DPP10: variants seen among roughly 807,000 people sequenced by gnomAD.
The protein encoded by DPP10 is inactive dipeptidyl peptidase 10.
DPP10 carries 33 observed loss-of-function variants against 120.9 expected under a neutral mutation model. The observed-to-expected ratio is 0.27, with a 90% CI of 0.21 to 0.37. The LOEUF (loss-of-function observed/expected upper bound fraction) is 0.37, where lower values mean the gene tolerates loss of function less well. Among genes scored for constraint, DPP10 ranks in the 10% least tolerant of loss-of-function variants. The pLI is 1.00. For missense variants in DPP10, 816 were observed against 942.8 expected (o/e 0.87, Z 1.76); for synonymous variants, 337 against 326.1 (o/e 1.03, Z -0.36).
chr2:114,455,905 A>G (rs1678559795), intron 1 of DPP10, among the ~76,000 whole-genome samples: 1 of 152,172 alleles, frequency 6.6e-6, no homozygotes, highest in South Asian at 2.1e-4. Context: ...CAAAAGAGGT[A>G]GAACTGGGCC....
chr2:115,302,672 T>G (rs1384737462), intron 1 of DPP10, among the ~76,000 whole-genome samples: 1 of 152,076 alleles, frequency 6.6e-6, no homozygotes, highest in Non-Finnish European at 1.5e-5. Flanking sequence ...GACACTTGCT[T>G]GGCATTTCTA....
intron 1 of DPP10, among the ~76,000 whole-genome samples, chr2:114,464,643 C>T (rs17048390): frequency 6.6e-6 from 1 of 152,238 alleles, no homozygotes; most frequent in African/African-American, 2.4e-5. Flanking sequence ...GTTATATCCT[C>T]TACTATACAG....
At chr2:114,905,268 G>C (rs1279230760) in intron 1 of DPP10, among the ~76,000 whole-genome samples, 1 of 151,648 alleles carries the variant, frequency 6.6e-6, no homozygotes, top group Non-Finnish European at 1.5e-5. Flanking sequence ...TGGGTGGGGG[G>C]AGTGGGTATT....
chr2:115,270,612 A>G (rs1455019161), intron 1 of DPP10, among the ~76,000 whole-genome samples: 1 of 152,176 alleles, frequency 6.6e-6, no homozygotes, highest in Non-Finnish European at 1.5e-5. Context: ...AGATTACCTT[A>G]CAAATGACCA....
intron 1 of DPP10, among the ~76,000 whole-genome samples, chr2:114,965,929 G>A (rs1209762731): frequency 8.3e-6 from 1 of 120,488 alleles, no homozygotes; most frequent in Non-Finnish European, 1.6e-5. Context: ...TCGCCCCACT[G>A]CACTCCAGCT....
intron 1 of DPP10, among the ~76,000 whole-genome samples, chr2:115,192,269 T>C (rs2054936362): frequency 6.6e-6 from 1 of 152,248 alleles, no homozygotes; most frequent in African/African-American, 2.4e-5. Context: ...TAAGGTGGTC[T>C]ACTATTACTA....
At chr2:115,081,064 T>C (rs911660960) in intron 1 of DPP10, among the ~76,000 whole-genome samples, 1 of 152,198 alleles carries the variant, frequency 6.6e-6, no homozygotes, top group Admixed American at 6.5e-5. Context: ...TCTCAGTCTT[T>C]TTTTCCCCCA....
intron 1 of DPP10, among the ~76,000 whole-genome samples, chr2:114,621,085 C>A (rs2105330389): frequency 6.6e-6 from 1 of 152,098 alleles, no homozygotes; most frequent in East Asian, 1.9e-4. Flanking sequence ...CTGGCCCAAC[C>A]ATTGTCTGAT....
intron 3 of DPP10, among the ~76,000 whole-genome samples, chr2:115,354,080 AAAG>A (rs1313474789): frequency 2.6e-5 from 4 of 152,184 alleles, no homozygotes; most frequent in African/African-American, 7.2e-5. Context: ...ACATGTAAAA[AAAG>A]AAGTCATTGC....
chr2:114,543,522 G>T (rs1199582746), intron 1 of DPP10, among the ~76,000 whole-genome samples: 1 of 152,102 alleles, frequency 6.6e-6, no homozygotes, highest in African/African-American at 2.4e-5. Context: ...GCCGCCTCCT[G>T]GTGACCAAAT....
chr2:115,414,563 A>G (rs2104611089), intron 3 of DPP10, among the ~76,000 whole-genome samples: 1 of 152,236 alleles, frequency 6.6e-6, no homozygotes, highest in East Asian at 1.9e-4. Context: ...TGAAACTGAT[A>G]TGTATTTTTT....
intron 19 of DPP10, among the ~76,000 whole-genome samples, chr2:115,811,411 A>G (rs1006415221): frequency 6.6e-6 from 1 of 152,190 alleles, no homozygotes; most frequent in Non-Finnish European, 1.5e-5. Context: ...TAAAGGATTG[A>G]AGGATTTGTT....
intron 5 of DPP10, among the ~76,000 whole-genome samples, chr2:115,599,014 G>A (rs981056682): frequency 6.6e-6 from 1 of 150,972 alleles, no homozygotes; most frequent in African/African-American, 2.4e-5. Flanking sequence ...GCTCTCTTTT[G>A]TTCTTCATGG....
intron 3 of DPP10, among the ~76,000 whole-genome samples, chr2:115,416,406 T>C (rs1009179756): frequency 2.0e-5 from 3 of 152,156 alleles, no homozygotes; most frequent in Non-Finnish European, 4.4e-5. Flanking sequence ...GACTCAGCTA[T>C]AAATTTATAG....
At position 114,529,432 on chromosome 2, in the gene DPP10, T is replaced by C. The variant is rs531711647; in HGVS notation, c.60+86594T>C. On this transcript the variant is annotated intron_variant, in intron 1 of 25. Coordinates refer to ENST00000410059, the MANE Select transcript of DPP10 (RefSeq NM_020868.6). Reference sequence around the variant, plus strand: ...CAAGGGGATCTTGTTGATCTTAATATTGACAGAAATAGCTCTAATGTGGCC... The same window carrying C: ...CAAGGGGATCTTGTTGATCTTAATACTGACAGAAATAGCTCTAATGTGGCC... Among the ~76,000 whole-genome samples the C allele has an allele frequency of 2.0e-4, 30 of 152,298 alleles. No homozygotes were observed. In the South Asian group the frequency reaches 5.4e-3, roughly 27 times the overall value.
At chr2:115,499,639 C>T (rs2076581148) in intron 4 of DPP10, 35 bp downstream of exon 4, 1 of 1,516,792 alleles carries the variant, frequency 6.6e-7, no homozygotes, top group Non-Finnish European at 9.1e-7. Context: ...TTATGCATTT[C>T]AGTACTGTTT....
chr2:115,535,982 G>C (rs2078806650), intron 5 of DPP10, among the ~76,000 whole-genome samples: 3 of 152,010 alleles, frequency 2.0e-5, no homozygotes, highest in Admixed American at 2.0e-4. Context: ...AGACTTTGCT[G>C]AAGTTGCTTA....
At chr2:115,259,361 G>A (rs1421561107) in intron 1 of DPP10, among the ~76,000 whole-genome samples, 1 of 151,882 alleles carries the variant, frequency 6.6e-6, no homozygotes, top group Admixed American at 6.6e-5. Context: ...GCACATGCCC[G>A]TAATCCCAGC....
chr2:114,829,267 G>A (rs1296774097), intron 1 of DPP10, among the ~76,000 whole-genome samples: 3 of 151,882 alleles, frequency 2.0e-5, no homozygotes, highest in Admixed American at 6.6e-5. Flanking sequence ...TCCAGCCTGG[G>A]CGACAGAGTG....
Sources: gnomAD v4.1 joint callset for allele counts (sites outside exome capture counted in the v4.1 genomes callset) on GRCh38, gnomAD v4.1.1 for gene constraint, MANE v1.5 for transcripts, NCBI Gene and HGNC (gene_info 2026-07-23, HGNC 2026-07-21) for gene names.